RBFOX1: variants seen among roughly 807,000 people sequenced by gnomAD.
The protein encoded by RBFOX1 is RNA binding protein fox-1 homolog 1.
RBFOX1 carries 8 observed loss-of-function variants against 57.7 expected under a neutral mutation model. The ratio of observed to expected loss-of-function variants is 0.14; its 90% CI spans 0.08 to 0.25. RBFOX1 has a LOEUF of 0.25. RBFOX1 is among the 10% of genes least tolerant of loss of function. RBFOX1 has a pLI of 1.00. For missense variants in RBFOX1, 611 were observed against 548.5 expected (o/e 1.11, Z -1.14); for synonymous variants, 326 against 222.4 (o/e 1.47, Z -4.15).
chr16:6,204,913 A>C (rs2097243929), intron 1 of RBFOX1, among the ~76,000 whole-genome samples: 2 of 152,170 alleles, frequency 1.3e-5, no homozygotes, highest in Non-Finnish European at 2.9e-5. Context: ...CACACGATTA[A>C]GTTTTGACCC....
intron 3 of RBFOX1, among the ~76,000 whole-genome samples, chr16:7,035,037 A>T (rs2043974370): frequency 6.6e-6 from 1 of 150,724 alleles, no homozygotes; most frequent in Non-Finnish European, 1.5e-5. Context: ...TATTAGAGAC[A>T]GGGTTTTACA....
At chr16:5,930,139 C>A (rs540482000) in intron 4 of RBFOX1, among the ~76,000 whole-genome samples, 2 of 151,252 alleles carry the variant, frequency 1.3e-5, no homozygotes, top group Admixed American at 1.3e-4. Flanking sequence ...CCAGGGGCAT[C>A]TGTGTTAATG....
chr16:7,319,004 A>G (rs920642362), intron 4 of RBFOX1, among the ~76,000 whole-genome samples: 4 of 152,194 alleles, frequency 2.6e-5, no homozygotes, highest in Non-Finnish European at 5.9e-5. Flanking sequence ...GAACCACACT[A>G]AAAGTTGGGC....
intron 4 of RBFOX1, among the ~76,000 whole-genome samples, chr16:7,426,589 A>G (rs2098616281): frequency 6.6e-6 from 1 of 152,174 alleles, no homozygotes; most frequent in South Asian, 2.1e-4. Flanking sequence ...GCGCCAAGGG[A>G]GAGGATCTCC....
At chr16:5,431,167 T>C (rs372130136) in intron 1 of RBFOX1, among the ~76,000 whole-genome samples, 4 of 152,360 alleles carry the variant, frequency 2.6e-5, no homozygotes, top group East Asian at 1.9e-4. Context: ...GTTGTGTTGG[T>C]GTCCTGATGA....
intron 5 of RBFOX1, among the ~76,000 whole-genome samples, chr16:7,575,524 T>C (rs2093250074): frequency 6.6e-6 from 1 of 152,062 alleles, no homozygotes; most frequent in Non-Finnish European, 1.5e-5. Flanking sequence ...AAGCAGAGGA[T>C]GGAAGGATGC....
chr16:7,595,432 G>A, intron 7 of RBFOX1, 117 bp from the exon 8 acceptor site: 1 of 692,006 alleles, frequency 1.4e-6, no homozygotes, highest in Non-Finnish European at 2.3e-6. Flanking sequence ...TAATTTGCAT[G>A]TTACAGAACT....
chr16:6,810,057 C>G (rs576772297), intron 3 of RBFOX1, among the ~76,000 whole-genome samples: 30 of 147,090 alleles, frequency 2.0e-4, no homozygotes, highest in Non-Finnish European at 4.5e-4. Context: ...AATAAGTAGA[C>G]AATGCTCTGG....
At chr16:5,594,972 A>T (rs1322991850) in intron 2 of RBFOX1, among the ~76,000 whole-genome samples, 1 of 41,288 alleles carries the variant, frequency 2.4e-5, no homozygotes, top group East Asian at 0.023. Context: ...TCTCTACTAA[A>T]AAAAAAAAAA....
chr16:6,526,709 A>C (rs557903614), intron 2 of RBFOX1, among the ~76,000 whole-genome samples: 1 of 151,638 alleles, frequency 6.6e-6, no homozygotes, highest in Non-Finnish European at 1.5e-5. Context: ...GGGCACCTGT[A>C]GTCCCAGCTA....
chr16:5,865,300 G>T (rs891685616), intron 3 of RBFOX1, among the ~76,000 whole-genome samples: 1 of 152,102 alleles, frequency 6.6e-6, no homozygotes, highest in Non-Finnish European at 1.5e-5. Flanking sequence ...TACGGATGTG[G>T]CTGATCACCA....
chr16:5,980,940 A>G (rs2152310014), intron 4 of RBFOX1, among the ~76,000 whole-genome samples: 1 of 152,124 alleles, frequency 6.6e-6, no homozygotes, highest in Non-Finnish European at 1.5e-5. Context: ...TAGGGTTTCC[A>G]TTTCTGGAAG....
intron 3 of RBFOX1, among the ~76,000 whole-genome samples, chr16:6,758,873 C>G (rs544620618): frequency 6.6e-6 from 1 of 152,150 alleles, no homozygotes; most frequent in African/African-American, 2.4e-5. Flanking sequence ...AAACCTCATC[C>G]TAATAAAAGT....
intron 4 of RBFOX1, among the ~76,000 whole-genome samples, chr16:7,312,997 C>T (rs1312707460): frequency 1.3e-5 from 2 of 152,048 alleles, no homozygotes; most frequent in Admixed American, 6.5e-5. Context: ...GAAGCTGACA[C>T]GTGCATTTTC....
chr16:7,335,512 C>A (rs1223881076), intron 4 of RBFOX1, among the ~76,000 whole-genome samples: 1 of 151,492 alleles, frequency 6.6e-6, no homozygotes, highest in African/African-American at 2.4e-5. Context: ...CAGAGTGCTC[C>A]CTTTTCATAT....
At chr16:6,600,719 G>C (rs139318508) in intron 2 of RBFOX1, among the ~76,000 whole-genome samples, 1 of 152,020 alleles carries the variant, frequency 6.6e-6, no homozygotes, top group Non-Finnish European at 1.5e-5. Flanking sequence ...AAACAGCCCC[G>C]TTATGAAACA....
intron 3 of RBFOX1, among the ~76,000 whole-genome samples, chr16:5,622,350 T>A (rs1192652088): frequency 6.6e-6 from 1 of 152,246 alleles, no homozygotes; most frequent in East Asian, 1.9e-4. Context: ...GTTTAGTGTC[T>A]GTCTTTTCCA....
chr16:7,522,489 G>A (rs1454322775), intron 5 of RBFOX1, among the ~76,000 whole-genome samples: 1 of 152,206 alleles, frequency 6.6e-6, no homozygotes, highest in Non-Finnish European at 1.5e-5. Context: ...TTTTGCTAGA[G>A]TAGTGGAGAG....
intron 4 of RBFOX1, among the ~76,000 whole-genome samples, chr16:7,276,689 C>T (rs528399126): frequency 6.6e-6 from 1 of 152,188 alleles, no homozygotes; most frequent in Admixed American, 6.5e-5. Context: ...CATTATTCTG[C>T]ACTGAGTTAT....
Sources: gnomAD v4.1 joint callset for allele counts (sites outside exome capture counted in the v4.1 genomes callset) on GRCh38, gnomAD v4.1.1 for gene constraint, MANE v1.5 for transcripts, NCBI Gene and HGNC (gene_info 2026-07-23, HGNC 2026-07-21) for gene names.